SYT6: variants seen among roughly 807,000 people sequenced by gnomAD.
SYT6 encodes the protein synaptotagmin-6.
A neutral mutation model predicts 38.4 loss-of-function variants in SYT6; 24 were observed. The ratio of observed to expected loss-of-function variants is 0.62; its 90% CI spans 0.45 to 0.88. The LOEUF (loss-of-function observed/expected upper bound fraction) is 0.88, where lower values mean the gene tolerates loss of function less well. Among genes scored for constraint, SYT6 ranks in the 40% least tolerant of loss-of-function variants. The pLI is 0.00. For synonymous variants in SYT6, 265 were observed against 241.9 expected (o/e 1.10, Z -0.89); for missense variants, 611 against 621.0 (o/e 0.98, Z 0.17).
At chr1:114,134,980 G>T (rs568033939) in intron 3 of SYT6, among the ~76,000 whole-genome samples, 1 of 152,062 alleles carries the variant, frequency 6.6e-6, no homozygotes, top group South Asian at 2.1e-4. Flanking sequence ...CAGCCTTCTC[G>T]CACCTCTTCC....
At chr1:114,152,008 T>C (rs1679461409) in intron 1 of SYT6, among the ~76,000 whole-genome samples, 1 of 152,046 alleles carries the variant, frequency 6.6e-6, no homozygotes. Flanking sequence ...CAGCAGCGCC[T>C]CCTACGACCC....
At position 114,090,723 on chromosome 1, in the gene SYT6, C is replaced by T. The variant is rs1675254495; in HGVS notation, c.*1411G>A. On this transcript the variant is annotated 3_prime_UTR_variant, in exon 8 of 8. Transcript: ENST00000610222. ...CGAAGTAGAAACTCACCTCCATGCG[C>T]TTACTGGGGTTATACAAACTGAGAT... is the stretch of plus-strand genomic sequence containing the variant. 6.6e-6 allele frequency: 1 copy of T among 152,374 alleles called. No homozygotes were observed. The highest frequency in any genetic ancestry group is 1.5e-5 in the Non-Finnish European group (1 of 68,046). The allele number at this position is 152,374 out of a possible 1,614,324, so 9.4% of individuals were successfully genotyped here.
chr1:114,102,525 A>G (rs1676031117), intron 4 of SYT6, among the ~76,000 whole-genome samples: 1 of 152,046 alleles, frequency 6.6e-6, no homozygotes, highest in Non-Finnish European at 1.5e-5. Context: ...TATACCCAAG[A>G]CTCAAGCTAC....
At chr1:114,093,649 A>T in intron 7 of SYT6, 86 bp downstream of exon 7, 1 of 1,297,256 alleles carries the variant, frequency 7.7e-7, no homozygotes, top group Non-Finnish European at 1.1e-6. Flanking sequence ...TCCTGCTGCT[A>T]TCTCAGCATC....
At chr1:114,128,495 A>T (rs1426636248) in intron 3 of SYT6, among the ~76,000 whole-genome samples, 1 of 152,068 alleles carries the variant, frequency 6.6e-6, no homozygotes, top group Admixed American at 6.6e-5. Flanking sequence ...AGACCTTTAA[A>T]AACCCATTTC....
At chr1:114,144,969 T>C (rs1233242171) in intron 1 of SYT6, among the ~76,000 whole-genome samples, 1 of 152,060 alleles carries the variant, frequency 6.6e-6, no homozygotes, top group Non-Finnish European at 1.5e-5. Flanking sequence ...CCTGGCTCCC[T>C]GCACAGGGAC....
intron 3 of SYT6, among the ~76,000 whole-genome samples, chr1:114,105,707 G>A (rs560839293): frequency 1.3e-5 from 2 of 152,110 alleles, no homozygotes; most frequent in African/African-American, 2.4e-5. Context: ...TCCATTTCAC[G>A]GACGAATAAC....
At chr1:114,115,616 C>T (rs933935248) in intron 3 of SYT6, among the ~76,000 whole-genome samples, 3 of 151,986 alleles carry the variant, frequency 2.0e-5, no homozygotes, top group Non-Finnish European at 2.9e-5. Context: ...GGGGTTTTAT[C>T]ATGTTGGCCA....
chr1:114,095,732 C>G (rs1675597956), intron 6 of SYT6, among the ~76,000 whole-genome samples: 1 of 151,704 alleles, frequency 6.6e-6, no homozygotes, highest in African/African-American at 2.4e-5. Flanking sequence ...GCGATCTCAG[C>G]TCACTGCAAG....
intron 1 of SYT6, among the ~76,000 whole-genome samples, chr1:114,141,081 T>C (rs1430023465): frequency 6.6e-6 from 1 of 152,192 alleles, no homozygotes; most frequent in African/African-American, 2.4e-5. Flanking sequence ...ATTAGGCCAA[T>C]TGATAACCTT....
chr1:114,102,509 A>G (rs1676029992), intron 4 of SYT6, among the ~76,000 whole-genome samples: 1 of 152,202 alleles, frequency 6.6e-6, no homozygotes, highest in South Asian at 2.1e-4. Context: ...CTTTCCAGCA[A>G]CTGATTATAC....
intron 3 of SYT6, among the ~76,000 whole-genome samples, chr1:114,113,745 C>T (rs527704053): frequency 1.1e-4 from 17 of 152,284 alleles, no homozygotes; most frequent in African/African-American, 2.4e-4. Context: ...AGCATACAGC[C>T]GCCTCCTATC....
At position 114,103,539 on chromosome 1, in the gene SYT6, G is replaced by T. The variant is rs368169468; in HGVS notation, c.1192+62C>A. 55 of 1,596,902 alleles carry T rather than the reference G, an allele frequency of 3.4e-5. No individual in the cohort carries two copies. In the African/African-American group the frequency reaches 4.3e-4, roughly 12 times the overall value. On this transcript the variant is annotated intron_variant, in intron 4 of 7. Transcript: ENST00000610222. Reference sequence around the variant, plus strand: ...CTGACAATTCTTTCTCCTTCTCCCCGAACACCCTTCCAAATCCTAATGTCT... The same window carrying T: ...CTGACAATTCTTTCTCCTTCTCCCCTAACACCCTTCCAAATCCTAATGTCT...
At chr1:114,095,123 G>C (rs981001432) in intron 6 of SYT6, among the ~76,000 whole-genome samples, 20 of 152,196 alleles carry the variant, frequency 1.3e-4, no homozygotes, top group African/African-American at 4.6e-4. Flanking sequence ...TCGTGCGTGG[G>C]GGAGGGGGCA....
intron 3 of SYT6, among the ~76,000 whole-genome samples, chr1:114,110,869 A>T (rs1352152843): frequency 4.0e-5 from 6 of 151,872 alleles, no homozygotes; most frequent in Non-Finnish European, 8.8e-5. Flanking sequence ...CACTCCCTCC[A>T]ATCCATCCTC....
intron 1 of SYT6, 46 bp from the exon 2 acceptor site, chr1:114,140,009 C>T (rs775746896): frequency 8.6e-6 from 10 of 1,161,742 alleles, no homozygotes; most frequent in East Asian, 5.1e-5. Flanking sequence ...CAGACAGAGG[C>T]GGGGAGAAGC....
At chr1:114,097,251 C>T (rs895101052) in intron 6 of SYT6, among the ~76,000 whole-genome samples, 5 of 152,238 alleles carry the variant, frequency 3.3e-5, no homozygotes, top group African/African-American at 1.2e-4. Flanking sequence ...CAAGAACCAA[C>T]ATTCATAAGA....
At chr1:114,100,102 G>A (rs1043434747) in intron 4 of SYT6, among the ~76,000 whole-genome samples, 1 of 152,090 alleles carries the variant, frequency 6.6e-6, no homozygotes, top group Non-Finnish European at 1.5e-5. Context: ...TTCTGAATGG[G>A]TATTTCATGG....
At chr1:114,130,902 G>C (rs2101068043) in intron 3 of SYT6, among the ~76,000 whole-genome samples, 1 of 152,310 alleles carries the variant, frequency 6.6e-6, no homozygotes, top group East Asian at 1.9e-4. Flanking sequence ...GCTTTGGGAG[G>C]CTTCACCCCC....
Sources: gnomAD v4.1 joint callset for allele counts (sites outside exome capture counted in the v4.1 genomes callset) on GRCh38, gnomAD v4.1.1 for gene constraint, MANE v1.5 for transcripts, NCBI Gene and HGNC (gene_info 2026-07-23, HGNC 2026-07-21) for gene names.